CA10: variants seen among roughly 807,000 people sequenced by gnomAD.
The protein encoded by CA10 is carbonic anhydrase-related protein 10.
In CA10, 14 loss-of-function variants were observed where a neutral mutation model predicts 44.2. That is an observed-to-expected ratio of 0.32 (90% CI 0.21 to 0.50). CA10 has a LOEUF of 0.50. Among genes scored for constraint, CA10 ranks in the 20% least tolerant of loss-of-function variants. The probability of loss-of-function intolerance (pLI) is 0.99; values close to 1 mark genes in which losing one functional copy is unlikely to be tolerated. For synonymous variants in CA10, 159 were observed against 141.6 expected, an observed-to-expected ratio of 1.12 and a Z score of -0.87; for missense variants, 350 against 409.7, an observed-to-expected ratio of 0.85 and a Z score of 1.26.
At chr17:51,901,928 A>G (rs1981334086) in intron 3 of CA10, among the ~76,000 whole-genome samples, 1 of 152,184 alleles carries the variant, frequency 6.6e-6, no homozygotes, top group African/African-American at 2.4e-5. Context: ...AGAAATGGAA[A>G]AAGCAAGACA....
At position 51,781,518 on chromosome 17, in the gene CA10, C is replaced by A. The variant is rs538698678; in HGVS notation, c.280-33700G>T. Among the ~76,000 whole-genome samples the A allele has an allele frequency of 5.3e-5, 8 of 152,242 alleles. No homozygotes were observed. In the East Asian group the frequency reaches 1.5e-3, roughly 29 times the overall value. On this transcript the variant is annotated intron_variant, in intron 3 of 8. Transcript: ENST00000451037. ...TCAATGGAGGCTCTAGATCAAATGG[C>A]CTCTTATTATCTGAACTCACTTGCA...
chr17:51,998,509 T>C (rs1985314415), intron 2 of CA10, among the ~76,000 whole-genome samples: 1 of 152,094 alleles, frequency 6.6e-6, no homozygotes, highest in African/African-American at 2.4e-5. Context: ...CATCCCTTTT[T>C]CCTCGAGTGG....
In CA10 at chr17:51,631,077, A is replaced by C. The variant is rs1454820614; in HGVS notation, c.*507T>G. 6.4e-6 allele frequency: 1 copy of C among 156,460 alleles called. No homozygotes were observed. Among genetic ancestry groups the C allele is most frequent in the African/African-American group, 2.4e-5 (1 of 41,466 alleles). 9.7% of individuals were successfully genotyped at this position (156,460 alleles called of 1,614,324 possible). A position where few individuals can be genotyped will look rare whatever the true frequency, so the allele number is the denominator to read the frequency against. ...CACCTGCTACCAGCACCCTCAAAGG[A>C]TCCTAGGACACTATCTGAAATTACT... On this transcript the variant is annotated 3_prime_UTR_variant, in exon 9 of 9. Coordinates refer to ENST00000451037, the MANE Select transcript of CA10 (RefSeq NM_020178.5).
At chr17:51,670,499 TC>T (rs1420279036) in intron 4 of CA10, among the ~76,000 whole-genome samples, 1 of 151,876 alleles carries the variant, frequency 6.6e-6, no homozygotes, top group Non-Finnish European at 1.5e-5. Flanking sequence ...TTTTTTTTTT[TC>T]CCCCTGGAAT....
intron 3 of CA10, among the ~76,000 whole-genome samples, chr17:51,841,053 C>T (rs1008629911): frequency 6.6e-6 from 1 of 152,156 alleles, no homozygotes; most frequent in Non-Finnish European, 1.5e-5. Flanking sequence ...TTTTATCAAC[C>T]AGGTAATCAG....
chr17:51,825,137 C>T (rs1170569402), intron 3 of CA10, among the ~76,000 whole-genome samples: 5 of 152,202 alleles, frequency 3.3e-5, no homozygotes, highest in Non-Finnish European at 7.4e-5. Flanking sequence ...CATGTCAAAA[C>T]AATGCTTTCT....
intron 2 of CA10, among the ~76,000 whole-genome samples, chr17:51,968,900 C>T (rs1984176801): frequency 6.6e-6 from 1 of 151,894 alleles, no homozygotes; most frequent in African/African-American, 2.4e-5. Flanking sequence ...AACACAATCT[C>T]ATTTTTAACC....
intron 3 of CA10, among the ~76,000 whole-genome samples, chr17:51,903,741 T>A (rs1367546004): frequency 6.6e-6 from 1 of 152,158 alleles, no homozygotes; most frequent in Admixed American, 6.6e-5. Context: ...CCCATCTACA[T>A]TATGTCAAAA....
chr17:52,117,204 T>G (rs552195152), intron 1 of CA10, among the ~76,000 whole-genome samples: 1 of 152,334 alleles, frequency 6.6e-6, no homozygotes, highest in East Asian at 1.9e-4. Context: ...TCTTAATGCA[T>G]GCATTAGAGC....
Position 51,733,652 on chromosome 17 carries a change from G to C in CA10, c.465+13981C>G, listed in dbSNP as rs185441555. 2.1e-4 allele frequency among the ~76,000 whole-genome samples: 32 copies of C among 152,328 alleles called. 1 individual carries two copies. Among genetic ancestry groups the C allele is most frequent in the Middle Eastern group, 6.8e-3 (2 of 294 alleles). ...GGTTTTAAAAGCAAAGCTTGCAACT[G>C]CTTTTTGGAGCAGAAACATTCTCTC... On this transcript the variant is annotated intron_variant, in intron 4 of 8. Coordinates refer to ENST00000451037, the MANE Select transcript of CA10 (RefSeq NM_020178.5).
intron 1 of CA10, among the ~76,000 whole-genome samples, chr17:52,080,031 A>T (rs1567726391): frequency 6.6e-6 from 1 of 152,214 alleles, no homozygotes; most frequent in Admixed American, 6.5e-5. Flanking sequence ...ACCTAGAATC[A>T]CCTTGCGTGT....
intron 2 of CA10, among the ~76,000 whole-genome samples, chr17:52,031,769 C>A (rs1567709457): frequency 6.6e-6 from 1 of 152,226 alleles, no homozygotes; most frequent in Admixed American, 6.5e-5. Flanking sequence ...TATCTTCTCC[C>A]ATTCCGCCAA....
intron 4 of CA10, among the ~76,000 whole-genome samples, chr17:51,718,214 GAAAAAAAGATTTAAAATGA>G (rs998421468): frequency 9.1e-5 from 2 of 22,042 alleles, no homozygotes; most frequent in Non-Finnish European, 2.2e-4. Context: ...AATAATTTAT[GAAAAAAAGATTTAAAATGA>G]AAAAAAGATT....
At chr17:52,093,237 TATTA>T (rs1299870089) in intron 1 of CA10, among the ~76,000 whole-genome samples, 1 of 150,572 alleles carries the variant, frequency 6.6e-6, no homozygotes, top group African/African-American at 2.5e-5. Context: ...CTGCTTAATA[TATTA>T]ATTTATTGAA....
intron 1 of CA10, among the ~76,000 whole-genome samples, chr17:52,110,319 T>A (rs1333647001): frequency 6.6e-6 from 1 of 152,202 alleles, no homozygotes; most frequent in Non-Finnish European, 1.5e-5. Context: ...GACAGCAGGA[T>A]AAAATGAGTC....
chr17:51,902,973 A>G (rs751401187), intron 3 of CA10, among the ~76,000 whole-genome samples: 1 of 152,194 alleles, frequency 6.6e-6, no homozygotes, highest in Non-Finnish European at 1.5e-5. Context: ...CTCATCATTC[A>G]TTGACTCATT....
chr17:51,744,976 T>C (rs1440855015), intron 4 of CA10, among the ~76,000 whole-genome samples: 1 of 152,222 alleles, frequency 6.6e-6, no homozygotes, highest in Non-Finnish European at 1.5e-5. Flanking sequence ...TGTGATACGA[T>C]GACTGCATCT....
chr17:51,797,595 C>A (rs1906762654), intron 3 of CA10, among the ~76,000 whole-genome samples: 1 of 152,146 alleles, frequency 6.6e-6, no homozygotes, highest in South Asian at 2.1e-4. Flanking sequence ...GTGGCTCACA[C>A]CTGTAATCCC....
chr17:52,135,157 A>T (rs1198117482), intron 1 of CA10: 3 of 361,592 alleles, frequency 8.3e-6, no homozygotes, highest in African/African-American at 6.4e-5. Context: ...CCATGACAGG[A>T]TGAGAGGTCA....
Sources: gnomAD v4.1 joint callset for allele counts (sites outside exome capture counted in the v4.1 genomes callset) on GRCh38, gnomAD v4.1.1 for gene constraint, MANE v1.5 for transcripts, NCBI Gene and HGNC (gene_info 2026-07-23, HGNC 2026-07-21) for gene names.